TAF4B: variants seen among roughly 807,000 people sequenced by gnomAD.
TAF4B encodes TATA-box binding protein associated factor 4b.
A neutral mutation model predicts 86.4 loss-of-function variants in TAF4B; 38 were observed. That is an observed-to-expected ratio of 0.44 (90% CI 0.34 to 0.58). TAF4B has a LOEUF of 0.58. Ranked by LOEUF, TAF4B falls within the 20% of genes least tolerant of loss-of-function variation. The pLI is 0.02. For synonymous variants in TAF4B, 388 were observed against 391.2 expected (o/e 0.99, Z 0.10); for missense variants, 988 against 1,027.6 (o/e 0.96, Z 0.53).
At chr18:26,239,769 G>T (rs976619501) in intron 1 of TAF4B, among the ~76,000 whole-genome samples, 1 of 152,140 alleles carries the variant, frequency 6.6e-6, no homozygotes, top group Admixed American at 6.5e-5. Context: ...TTTATATAAG[G>T]TGTAAGGAAG....
chr18:26,344,874 G>A (rs2144712658), intron 13 of TAF4B, among the ~76,000 whole-genome samples: 1 of 152,236 alleles, frequency 6.6e-6, no homozygotes, highest in East Asian at 1.9e-4. Flanking sequence ...GGCAGCATGA[G>A]GGTATCTAGC....
intron 1 of TAF4B, among the ~76,000 whole-genome samples, chr18:26,239,121 G>A (rs899597633): frequency 6.6e-6 from 1 of 152,148 alleles, no homozygotes; most frequent in Non-Finnish European, 1.5e-5. Context: ...GGGATGGCTG[G>A]GTCAAATGGT....
At chr18:26,281,120 A>G (rs966183878) in intron 5 of TAF4B, among the ~76,000 whole-genome samples, 14 of 152,180 alleles carry the variant, frequency 9.2e-5, no homozygotes, top group East Asian at 1.9e-4. Context: ...GATGGGAACA[A>G]TAGACACTGG....
Position 26,280,244 on chromosome 18 carries a change from C to T in TAF4B, c.883-1727C>T, listed in dbSNP as rs115028412. On this transcript the variant is annotated intron_variant, in intron 5 of 14. Coordinates refer to ENST00000269142, the MANE Select transcript of TAF4B (RefSeq NM_005640.3). The stretch of plus-strand genomic sequence containing the variant: ...AAAACCCAGGAAATACCCTGCCTGA[C>T]ATCGGCCTTGGCAAAGAATTTATGG... 3.0e-3 allele frequency among the ~76,000 whole-genome samples: 451 copies of T among 152,262 alleles called. 5 individuals carry two copies. The highest frequency in any genetic ancestry group is 0.01 in the African/African-American group (435 of 41,562).
At chr18:26,379,253 T>TG (rs1398260359) in intron 14 of TAF4B, among the ~76,000 whole-genome samples, 6 of 152,132 alleles carry the variant, frequency 3.9e-5, no homozygotes, top group Non-Finnish European at 8.8e-5. Context: ...AATTAGTACT[T>TG]GCTGTATCCT....
At chr18:26,283,443 TCTG>T (rs2056474394) in intron 6 of TAF4B, among the ~76,000 whole-genome samples, 1 of 152,092 alleles carries the variant, frequency 6.6e-6, no homozygotes. Flanking sequence ...TTTTTTTTCT[TCTG>T]AGCAGTAGTT....
chr18:26,274,728 C>T lies in TAF4B; in HGVS notation c.663C>T (p.Thr221=), dbSNP rs17224558. 0.11 allele frequency: 175,378 copies of T among 1,614,026 alleles called. 9,924 individuals are homozygous for T. Among genetic ancestry groups the T allele is most frequent in the African/African-American group, 0.14 (10,392 of 74,998 alleles). The change falls in exon 4 of 15, where the codon ACC becomes ACT. Residue 221 remains threonine (T), a synonymous_variant. Transcript: ENST00000269142. ...TPGKPLNTVT[T]LKPSSLGASS... Reference sequence around the variant, plus strand: ...GAAAGCCATTGAATACTGTAACTACCCTGAAGCCTTCAAGTTTGGGAGCAT... The same window carrying T: ...GAAAGCCATTGAATACTGTAACTACTCTGAAGCCTTCAAGTTTGGGAGCAT...
At chr18:26,350,591 A>G (rs931643076) in intron 13 of TAF4B, among the ~76,000 whole-genome samples, 1 of 152,188 alleles carries the variant, frequency 6.6e-6, no homozygotes, top group Non-Finnish European at 1.5e-5. Context: ...TAGTGTGATC[A>G]CTTGAGCCCA....
intron 6 of TAF4B, among the ~76,000 whole-genome samples, chr18:26,283,985 C>T (rs1810781858): frequency 6.6e-6 from 1 of 151,398 alleles, no homozygotes; most frequent in Admixed American, 6.6e-5. Flanking sequence ...ATCCAGGAGG[C>T]AGAGGTTGCA....
intron 7 of TAF4B, among the ~76,000 whole-genome samples, chr18:26,289,459 C>A (rs933339218): frequency 6.6e-5 from 10 of 151,926 alleles, no homozygotes; most frequent in Non-Finnish European, 8.8e-5. Flanking sequence ...TTCTCATTTG[C>A]GTTTGTTTTG....
intron 9 of TAF4B, among the ~76,000 whole-genome samples, chr18:26,302,740 G>A (rs1286815312): frequency 1.3e-5 from 2 of 152,032 alleles, no homozygotes; most frequent in Non-Finnish European, 2.9e-5. Flanking sequence ...TAGAGATCCT[G>A]ATTCGTTTTT....
At chr18:26,282,745 C>G (rs547473977) in intron 6 of TAF4B, among the ~76,000 whole-genome samples, 1 of 152,214 alleles carries the variant, frequency 6.6e-6, no homozygotes, top group Non-Finnish European at 1.5e-5. Context: ...GATAGCATTT[C>G]ACACACAGCA....
At chr18:26,298,592 G>T (rs2056693099) in intron 9 of TAF4B, among the ~76,000 whole-genome samples, 1 of 152,020 alleles carries the variant, frequency 6.6e-6, no homozygotes, top group Admixed American at 6.6e-5. Context: ...GGGTGCAGAG[G>T]TGCAATCCTA....
intron 14 of TAF4B, 129 bp downstream of exon 14, chr18:26,357,923 T>A: frequency 1.7e-6 from 1 of 571,630 alleles, no homozygotes; most frequent in Non-Finnish European, 2.8e-6. Context: ...AATTCATCTT[T>A]GCCAATTTTA....
intron 9 of TAF4B, among the ~76,000 whole-genome samples, chr18:26,305,423 T>G (rs1218897990): frequency 2.0e-5 from 3 of 152,210 alleles, no homozygotes; most frequent in Non-Finnish European, 4.4e-5. Flanking sequence ...TATTTTATTT[T>G]TTGAGATACA....
In TAF4B at chr18:26,274,987, A is replaced by G. The variant is rs1471877841; in HGVS notation, c.816A>G (p.Leu272=). 5.0e-6 allele frequency: 8 copies of G among 1,612,880 alleles called. No homozygotes were observed. The highest frequency in any genetic ancestry group is 2.7e-5 in the African/African-American group (2 of 74,920). The change falls in exon 5 of 15, where the codon CTA becomes CTG. Residue 272 remains leucine, a synonymous_variant. Transcript: ENST00000269142. ...CKNFLAMLIK[L]ACSGSQSPEM... ...ACTTCCTTGCAATGTTAATAAAACT[A>G]GCATGTAGTGGATCACAGTCCCCAG...
At chr18:26,366,703 G>C (rs1353963317) in intron 14 of TAF4B, among the ~76,000 whole-genome samples, 1 of 152,130 alleles carries the variant, frequency 6.6e-6, no homozygotes, top group African/African-American at 2.4e-5. Flanking sequence ...CTTTTCCTTG[G>C]ATATTCTTTC....
At chr18:26,316,643 C>T (rs1333680967) in intron 10 of TAF4B, among the ~76,000 whole-genome samples, 1 of 152,138 alleles carries the variant, frequency 6.6e-6, no homozygotes, top group African/African-American at 2.4e-5. Flanking sequence ...CACCCGCCTC[C>T]CAAAGTGCTG....
chr18:26,386,505 G>A (rs1978375389), intron 14 of TAF4B, among the ~76,000 whole-genome samples: 1 of 152,126 alleles, frequency 6.6e-6, no homozygotes, highest in Non-Finnish European at 1.5e-5. Flanking sequence ...ACACATTCAT[G>A]TAGGCAGTAG....
Sources: gnomAD v4.1 joint callset for allele counts (sites outside exome capture counted in the v4.1 genomes callset) on GRCh38, gnomAD v4.1.1 for gene constraint, MANE v1.5 for transcripts, NCBI Gene and HGNC (gene_info 2026-07-23, HGNC 2026-07-21) for gene names.